ROS1: variants seen among roughly 807,000 people sequenced by gnomAD.
The protein encoded by ROS1 is ROS proto-oncogene 1, receptor tyrosine kinase, also known as proto-oncogene tyrosine-protein kinase ROS.
ROS1 carries 263 observed loss-of-function variants against 273.5 expected under a neutral mutation model. That is an observed-to-expected ratio of 0.96 (90% CI 0.87 to 1.06). The LOEUF (loss-of-function observed/expected upper bound fraction) is 1.06. ROS1 is among the 50% of genes least tolerant of loss of function. ROS1 has a pLI of 0.00. For synonymous variants in ROS1, 1,008 were observed against 954.1 expected (o/e 1.06, Z -1.04); for missense variants, 2,833 against 2,751.1 (o/e 1.03, Z -0.67).
At chr6:117,294,532 C>A (rs1000860279) in intron 43 of ROS1, among the ~76,000 whole-genome samples, 1 of 151,956 alleles carries the variant, frequency 6.6e-6, no homozygotes, top group African/African-American at 2.4e-5. Context: ...TTGTTGAGAA[C>A]TTTTGCATCT....
At chr6:117,377,850 C>A (rs563941979) in intron 18 of ROS1, among the ~76,000 whole-genome samples, 1 of 151,730 alleles carries the variant, frequency 6.6e-6, no homozygotes, top group Admixed American at 6.6e-5. Flanking sequence ...AAAGACAACT[C>A]ATTTAAAAAT....
intron 32 of ROS1, among the ~76,000 whole-genome samples, chr6:117,335,648 A>G (rs1777405103): frequency 6.6e-6 from 1 of 152,242 alleles, no homozygotes; most frequent in Non-Finnish European, 1.5e-5. Context: ...ATGGAATACT[A>G]TGCAGCCATA....
intron 43 of ROS1, among the ~76,000 whole-genome samples, chr6:117,292,753 C>T (rs1773932634): frequency 6.6e-6 from 1 of 152,220 alleles, no homozygotes; most frequent in South Asian, 2.1e-4. Flanking sequence ...CTATGTTCCT[C>T]ATCTCCAGGA....
intron 27 of ROS1, among the ~76,000 whole-genome samples, chr6:117,347,661 A>G (rs1778488347): frequency 6.6e-6 from 1 of 152,096 alleles, no homozygotes; most frequent in Non-Finnish European, 1.5e-5. Context: ...ATTTAGTGAG[A>G]AAGCCTCTAA....
intron 43 of ROS1, among the ~76,000 whole-genome samples, chr6:117,291,878 C>A (rs916211873): frequency 3.3e-5 from 5 of 152,142 alleles, no homozygotes; most frequent in African/African-American, 9.6e-5. Context: ...CTCAAGGGTC[C>A]GTGGAGACTT....
intron 18 of ROS1, among the ~76,000 whole-genome samples, chr6:117,370,447 T>C (rs1297265883): frequency 6.6e-6 from 1 of 152,206 alleles, no homozygotes; most frequent in African/African-American, 2.4e-5. Flanking sequence ...AGTGTCCTCA[T>C]CTATGAAATA....
At chr6:117,419,990 T>C (rs1775630725) in intron 1 of ROS1, among the ~76,000 whole-genome samples, 1 of 152,150 alleles carries the variant, frequency 6.6e-6, no homozygotes, top group Non-Finnish European at 1.5e-5. Context: ...ACAATTACAA[T>C]AGCTAACATT....
At chr6:117,302,629 TG>T (rs1356305897) in intron 42 of ROS1, among the ~76,000 whole-genome samples, 6 of 152,258 alleles carry the variant, frequency 3.9e-5, no homozygotes, top group Non-Finnish European at 8.8e-5. Flanking sequence ...AATCCATTCC[TG>T]TTTCTGCTGT....
chr6:117,387,311 G>A (rs1320821365), intron 14 of ROS1, among the ~76,000 whole-genome samples: 4 of 152,150 alleles, frequency 2.6e-5, no homozygotes, highest in East Asian at 1.9e-4. Context: ...ACTACTGTTT[G>A]TCATGGTCTC....
chr6:117,418,258 T>C (rs1187741094), intron 2 of ROS1, among the ~76,000 whole-genome samples: 2 of 152,222 alleles, frequency 1.3e-5, no homozygotes, highest in Non-Finnish European at 2.9e-5. Flanking sequence ...AATCATGCAC[T>C]TGGATTGGTC....
intron 25 of ROS1, among the ~76,000 whole-genome samples, 190 bp downstream of exon 25, chr6:117,357,614 A>G (rs1206156383): frequency 6.6e-6 from 1 of 152,232 alleles, no homozygotes; most frequent in South Asian, 2.1e-4. Flanking sequence ...GTCAGTATGC[A>G]TTAAGTTTAC....
chr6:117,382,449 AT>A (rs1477739232), intron 17 of ROS1, among the ~76,000 whole-genome samples: 1 of 152,144 alleles, frequency 6.6e-6, no homozygotes, highest in Admixed American at 6.5e-5. Flanking sequence ...GCAGAAAAAA[AT>A]GACTTAAAAT....
intron 27 of ROS1, among the ~76,000 whole-genome samples, chr6:117,350,464 G>A (rs182604880): frequency 8.0e-4 from 121 of 151,904 alleles, no homozygotes; most frequent in African/African-American, 2.7e-3. Flanking sequence ...GCCTAGTGTA[G>A]ATTTTGGCAT....
At chr6:117,309,709 A>G (rs1290971240) in intron 41 of ROS1, among the ~76,000 whole-genome samples, 1 of 152,130 alleles carries the variant, frequency 6.6e-6, no homozygotes, top group Non-Finnish European at 1.5e-5. Flanking sequence ...TAAATCCATG[A>G]TTTAAAGTTT....
At chr6:117,349,912 TTTGC>T (rs1778679795) in intron 27 of ROS1, among the ~76,000 whole-genome samples, 1 of 152,000 alleles carries the variant, frequency 6.6e-6, no homozygotes. Context: ...TGTGATTCAT[TTTGC>T]TTAATATAAA....
chr6:117,398,794 G>A lies in ROS1; in HGVS notation c.605-1678C>T, dbSNP rs1773712236. 2.0e-5 allele frequency among the ~76,000 whole-genome samples: 3 copies of A among 148,868 alleles called. No homozygotes were observed. In the South Asian group the frequency reaches 6.5e-4, roughly 32 times the overall value. On this transcript the variant is annotated intron_variant, in intron 7 of 43. Transcript: ENST00000368507. ...TTGAGACCATCCTGGCTAACATGGT[G>A]AAACCCCATCTCTACTAAAACTACA...
intron 16 of ROS1, among the ~76,000 whole-genome samples, chr6:117,384,545 TG>T (rs1772410319): frequency 6.6e-6 from 1 of 152,194 alleles, no homozygotes; most frequent in African/African-American, 2.4e-5. Context: ...AATAAATAAA[TG>T]GACAGCAAGT....
intron 5 of ROS1, among the ~76,000 whole-genome samples, chr6:117,407,667 T>C (rs1393434533): frequency 6.6e-6 from 1 of 152,134 alleles, no homozygotes; most frequent in Non-Finnish European, 1.5e-5. Flanking sequence ...TTCAATGCCA[T>C]CCCCATCAAG....
rs563473423 is a variant in ROS1 at position 117,356,364 on chromosome 6, C to T, written c.4126+265G>A. 3.3e-5 allele frequency among the ~76,000 whole-genome samples: 5 copies of T among 152,258 alleles called. No homozygotes were observed. In the East Asian group the frequency reaches 7.7e-4, roughly 23 times the overall value. The stretch of plus-strand genomic sequence containing the variant: ...AATAAAATAATGCATTTAGTACATG[C>T]TAAGAATATACAGTTAAGCTCATTA... On this transcript the variant is annotated intron_variant, in intron 26 of 43. Transcript: ENST00000368507.
Sources: allele counts gnomAD v4.1 joint callset (sites outside exome capture counted in the v4.1 genomes callset), GRCh38; gene constraint gnomAD v4.1.1; transcripts MANE v1.5; gene names NCBI Gene and HGNC (gene_info 2026-07-23, HGNC 2026-07-21).